The following SDCCAG8 variants were observed in gnomAD, a reference collection of about 807,000 sequenced individuals.
The protein encoded by SDCCAG8 is serologically defined colon cancer antigen 8.
In SDCCAG8, 74 loss-of-function variants were observed where a neutral mutation model predicts 101.8. The ratio of observed to expected loss-of-function variants is 0.73; its 90% CI spans 0.60 to 0.88. The LOEUF (loss-of-function observed/expected upper bound fraction) is 0.88, where lower values mean the gene tolerates loss of function less well. SDCCAG8 is among the 40% of genes least tolerant of loss of function. The probability of loss-of-function intolerance (pLI) is 0.00; values close to 1 mark genes in which losing one functional copy is unlikely to be tolerated. For synonymous variants in SDCCAG8, 281 were observed against 292.9 expected (o/e 0.96, Z 0.41); for missense variants, 787 against 822.6 (o/e 0.96, Z 0.53).
rs137912111 is a variant in SDCCAG8, at chr1:243,499,228, A to G, written c.2113-528A>G. The stretch of plus-strand genomic sequence containing the variant: ...CTCAGTACACCCAATCCCCTCTTCC[A>G]ACACATGTGAGGTTTCCATGTGAAA... On this transcript the variant is annotated intron_variant, in intron 17 of 17. Coordinates refer to ENST00000366541, the MANE Select transcript of SDCCAG8 (RefSeq NM_006642.5). Among the ~76,000 whole-genome samples, 243 of 152,354 alleles carry G rather than the reference A, an allele frequency of 1.6e-3. 1 individual carries two copies. The highest frequency in any genetic ancestry group is 5.7e-3 in the African/African-American group (235 of 41,586).
At chr1:243,348,220 TTTTG>T (rs1182965433) in intron 12 of SDCCAG8, among the ~76,000 whole-genome samples, 2 of 144,848 alleles carry the variant, frequency 1.4e-5, no homozygotes, top group African/African-American at 5.0e-5. Context: ...TTTTTTTTTT[TTTTG>T]TATTTTTAGT....
At chr1:243,437,668 C>A (rs2148077763) in intron 16 of SDCCAG8, among the ~76,000 whole-genome samples, 1 of 152,018 alleles carries the variant, frequency 6.6e-6, no homozygotes. Flanking sequence ...TCCCGAGTAG[C>A]TGGGACTACA....
chr1:243,488,044 C>T (rs1238940749), intron 16 of SDCCAG8, among the ~76,000 whole-genome samples: 2 of 152,224 alleles, frequency 1.3e-5, no homozygotes, highest in Non-Finnish European at 2.9e-5. Context: ...CGACCATCGC[C>T]GGGTTTCCCA....
At chr1:243,440,246 T>C (rs1321353584) in intron 16 of SDCCAG8, among the ~76,000 whole-genome samples, 2 of 152,204 alleles carry the variant, frequency 1.3e-5, no homozygotes, top group African/African-American at 4.8e-5. Flanking sequence ...ACGTATGTTT[T>C]TGTTAAATAA....
chr1:243,317,617 G>A (rs548012992), intron 9 of SDCCAG8, among the ~76,000 whole-genome samples: 2 of 152,134 alleles, frequency 1.3e-5, no homozygotes, highest in Admixed American at 6.5e-5. Flanking sequence ...CACTGCGCCC[G>A]GTCTTAGTAG....
intron 16 of SDCCAG8, among the ~76,000 whole-genome samples, chr1:243,451,311 C>T (rs551617944): frequency 1.8e-4 from 28 of 152,286 alleles, no homozygotes; most frequent in African/African-American, 6.7e-4. Context: ...AGATGGAAAA[C>T]ATTCATGCCA....
intron 4 of SDCCAG8, among the ~76,000 whole-genome samples, chr1:243,275,134 G>T (rs1236391672): frequency 1.3e-5 from 2 of 152,162 alleles, no homozygotes; most frequent in Non-Finnish European, 2.9e-5. Context: ...TGACAGTAAT[G>T]ATCAAGAAAC....
intron 1 of SDCCAG8, among the ~76,000 whole-genome samples, chr1:243,264,973 G>C (rs924074639): frequency 6.6e-6 from 1 of 152,144 alleles, no homozygotes; most frequent in Non-Finnish European, 1.5e-5. Context: ...GATAGGAAAC[G>C]GTAACTGGAA....
chr1:243,357,607 TTTAACTAATAA>T lies in SDCCAG8; in HGVS notation c.1473+13280_1473+13290del, dbSNP rs1337599186. Among the ~76,000 whole-genome samples, 15 of 152,336 alleles carry T rather than the reference TTTAACTAATAA, an allele frequency of 9.8e-5. No homozygotes were observed. The East Asian group carries it at 2.9e-3, about 29-fold the overall frequency. On this transcript the variant is annotated intron_variant, in intron 12 of 17. Transcript: ENST00000366541. ...TACCTTATTTCCATGCAGCCATTTA[TTTAACTAATAA>T]TTAGTGATAACCTATTATGTGTTGC...
chr1:243,443,881 C>T (rs1161031721), intron 16 of SDCCAG8, among the ~76,000 whole-genome samples: 3 of 151,898 alleles, frequency 2.0e-5, no homozygotes, highest in Non-Finnish European at 2.9e-5. Context: ...TATTTATATT[C>T]CTAGTTTTCA....
intron 16 of SDCCAG8, among the ~76,000 whole-genome samples, chr1:243,484,175 T>C (rs947704646): frequency 5.3e-5 from 8 of 152,246 alleles, no homozygotes; most frequent in Non-Finnish European, 1.2e-4. Context: ...GGCACTGCCA[T>C]TGCCTGCAGG....
At chr1:243,462,015 C>A (rs1450173392) in intron 16 of SDCCAG8, among the ~76,000 whole-genome samples, 1 of 152,156 alleles carries the variant, frequency 6.6e-6, no homozygotes, top group Non-Finnish European at 1.5e-5. Flanking sequence ...GTAAGTGAAA[C>A]ACAACATCTT....
In SDCCAG8 at chr1:243,308,177, A is replaced by T; in HGVS notation, c.929A>T (p.Lys310Ile). Residue 310 changes from lysine (K) to isoleucine (I), a missense_variant and splice_region_variant, in exon 8 of 18, where the codon AAA becomes ATA. Transcript: ENST00000366541. The part of the protein sequence containing the change: ...VHMQTIERLV[K>I]ERDDLMSALV... ...ATGCAGACCATCGAAAGACTGGTTA[A>T]GTAAGTATGCTTCTACGCGCACGGA... The T allele has an allele frequency of 2.5e-6, 4 of 1,614,160 alleles. No individual in the cohort carries two copies. In the South Asian group the frequency reaches 4.4e-5, roughly 18 times the overall value.
intron 16 of SDCCAG8, among the ~76,000 whole-genome samples, chr1:243,475,477 A>G (rs1574267475): frequency 6.6e-6 from 1 of 152,032 alleles, no homozygotes; most frequent in Middle Eastern, 3.2e-3. Context: ...TACTCAGGAA[A>G]TCTTAATGTG....
At chr1:243,488,559 C>T in intron 16 of SDCCAG8, 1 of 215,162 alleles carries the variant, frequency 4.6e-6, no homozygotes, top group Non-Finnish European at 9.5e-6. Context: ...GTCAGCGATG[C>T]CGGAGCTCGT....
At chr1:243,372,452 C>A (rs1157518439) in intron 12 of SDCCAG8, among the ~76,000 whole-genome samples, 1 of 151,976 alleles carries the variant, frequency 6.6e-6, no homozygotes, top group African/African-American at 2.4e-5. Flanking sequence ...TCTTTCCAGG[C>A]AAATTTATCC....
intron 16 of SDCCAG8, among the ~76,000 whole-genome samples, chr1:243,468,849 G>A (rs879397096): frequency 1.3e-4 from 20 of 152,172 alleles, no homozygotes; most frequent in Non-Finnish European, 1.0e-4. Context: ...CTACATAACA[G>A]AGCTGGGTTT....
At chr1:243,464,470 G>A (rs888703423) in intron 16 of SDCCAG8, among the ~76,000 whole-genome samples, 3 of 152,060 alleles carry the variant, frequency 2.0e-5, no homozygotes, top group East Asian at 1.9e-4. Context: ...TATTTCATCA[G>A]GCAAGTAAGG....
chr1:243,279,325 C>G (rs951299725), intron 4 of SDCCAG8, among the ~76,000 whole-genome samples: 1 of 152,086 alleles, frequency 6.6e-6, no homozygotes, highest in South Asian at 2.1e-4. Flanking sequence ...AATGGGATTG[C>G]GTCCTGATAA....
Sources: gnomAD v4.1 joint callset for allele counts (sites outside exome capture counted in the v4.1 genomes callset) on GRCh38, gnomAD v4.1.1 for gene constraint, MANE v1.5 for transcripts, NCBI Gene and HGNC (gene_info 2026-07-23, HGNC 2026-07-21) for gene names.